Variants in NCK1 observed in about 807,000 individuals in gnomAD.
NCK1 encodes SH2/SH3 adapter protein NCK1.
In NCK1, 19 loss-of-function variants were observed where a neutral mutation model predicts 36.6. The ratio of observed to expected loss-of-function variants is 0.52; its 90% CI spans 0.36 to 0.76. The LOEUF is 0.76. NCK1 is among the 30% of genes least tolerant of loss of function. The probability of loss-of-function intolerance (pLI) is 0.00; values close to 1 mark genes in which losing one functional copy is unlikely to be tolerated. For missense variants in NCK1, 358 were observed against 445.6 expected (o/e 0.80, Z 1.77); for synonymous variants, 165 against 156.0 (o/e 1.06, Z -0.43).
intron 1 of NCK1, among the ~76,000 whole-genome samples, chr3:136,890,001 C>T (rs974983859): frequency 4.6e-5 from 7 of 152,196 alleles, no homozygotes; most frequent in Non-Finnish European, 4.4e-5. Context: ...TGTGTGCCCG[C>T]ACTCCTGAGC....
chr3:136,923,637 AAG>A (rs1234977347), intron 1 of NCK1, among the ~76,000 whole-genome samples: 1 of 152,076 alleles, frequency 6.6e-6, no homozygotes, highest in African/African-American at 2.4e-5. Flanking sequence ...GAGAAAAGAG[AAG>A]GTATGGAAGA....
intron 2 of NCK1, among the ~76,000 whole-genome samples, chr3:136,931,276 A>C (rs191866568): frequency 5.3e-5 from 8 of 152,164 alleles, no homozygotes; most frequent in Non-Finnish European, 1.0e-4. Context: ...CCTCCTTATG[A>C]TCTTATAGTG....
At chr3:136,891,508 G>A (rs537695830) in intron 1 of NCK1, among the ~76,000 whole-genome samples, 2 of 152,300 alleles carry the variant, frequency 1.3e-5, no homozygotes, top group South Asian at 4.1e-4. Context: ...GGGTGTACAA[G>A]TATCTATTTG....
chr3:136,944,112 C>CTTTTTTTTTTTT (rs72327296), intron 2 of NCK1, among the ~76,000 whole-genome samples: 2 of 43,778 alleles, frequency 4.6e-5, no homozygotes, highest in Admixed American at 4.6e-4. Flanking sequence ...GAAAAACAAC[C>CTTTTTTTTTTTT]TTTTTTTTTT....
chr3:136,882,135 C>T (rs765453047), intron 1 of NCK1, among the ~76,000 whole-genome samples: 9 of 152,144 alleles, frequency 5.9e-5, no homozygotes, highest in Non-Finnish European at 1.0e-4. Flanking sequence ...TTTTACATTA[C>T]CACCAACCGT....
chr3:136,927,149 T>G (rs927250029), intron 1 of NCK1, among the ~76,000 whole-genome samples: 9 of 152,092 alleles, frequency 5.9e-5, no homozygotes, highest in Admixed American at 3.3e-4. Flanking sequence ...TTTTTGTATT[T>G]TTAGTAGAGA....
intron 1 of NCK1, among the ~76,000 whole-genome samples, chr3:136,863,349 C>T (rs190281148): frequency 1.2e-4 from 19 of 152,348 alleles, no homozygotes; most frequent in Non-Finnish European, 8.8e-5. Flanking sequence ...TCTTCAGCAC[C>T]TGGAAACCAG....
At chr3:136,872,792 G>A (rs1263699463) in intron 1 of NCK1, among the ~76,000 whole-genome samples, 1 of 152,228 alleles carries the variant, frequency 6.6e-6, no homozygotes, top group African/African-American at 2.4e-5. Context: ...TAGAGCTTGG[G>A]CTGTGGCTTC....
chr3:136,867,057 T>TC (rs1938437840), intron 1 of NCK1, among the ~76,000 whole-genome samples: 11 of 252 alleles, frequency 0.044, 1 homozygote, highest in African/African-American at 0.12. Context: ...CTTTTCTTTC[T>TC]TTCTTTCTTT....
chr3:136,923,330 C>T lies in NCK1; in HGVS notation c.-18-4654C>T, dbSNP rs571177287. On this transcript the variant is annotated intron_variant, in intron 1 of 3. Transcript: ENST00000481752. ...CAGCACTTTGGGAGGCCGAGGCAGG[C>T]GGATCACGAGGTCAGGAGATCGAAA... Among the ~76,000 whole-genome samples the T allele has an allele frequency of 3.4e-3, 514 of 151,986 alleles. 2 individuals are homozygous for T. Among genetic ancestry groups the T allele is most frequent in the African/African-American group, 0.012 (486 of 41,438 alleles).
intron 1 of NCK1, among the ~76,000 whole-genome samples, chr3:136,915,660 G>T (rs1192951285): frequency 6.6e-6 from 1 of 152,010 alleles, no homozygotes; most frequent in Admixed American, 6.5e-5. Flanking sequence ...GTTTCCTCAG[G>T]CTGTATAGGA....
At chr3:136,879,635 A>T (rs1938872969) in intron 1 of NCK1, among the ~76,000 whole-genome samples, 1 of 152,164 alleles carries the variant, frequency 6.6e-6, no homozygotes, top group African/African-American at 2.4e-5. Flanking sequence ...AATAGTCTGG[A>T]TAAAGAAAAT....
chr3:136,919,807 C>CCCTA (rs1266033069), intron 1 of NCK1, among the ~76,000 whole-genome samples: 1 of 151,930 alleles, frequency 6.6e-6, no homozygotes, highest in Non-Finnish European at 1.5e-5. Context: ...AGTAGTTATA[C>CCCTA]CCTAAGGAAA....
intron 1 of NCK1, chr3:136,889,103 G>C (rs1436297084): frequency 2.4e-5 from 3 of 123,582 alleles, no homozygotes; most frequent in African/African-American, 9.0e-5. Flanking sequence ...TGTTGCCCAG[G>C]CTGGTTTTGA....
At chr3:136,890,632 A>C (rs955176820) in intron 1 of NCK1, among the ~76,000 whole-genome samples, 2 of 152,216 alleles carry the variant, frequency 1.3e-5, no homozygotes, top group Non-Finnish European at 2.9e-5. Flanking sequence ...TTATGCATTC[A>C]TCAGTTTACA....
intron 1 of NCK1, among the ~76,000 whole-genome samples, chr3:136,892,382 CT>C (rs1939269719): frequency 6.6e-6 from 1 of 152,172 alleles, no homozygotes; most frequent in Admixed American, 6.5e-5. Context: ...CAGTTTGACT[CT>C]TTTCGGTTGC....
intron 1 of NCK1, among the ~76,000 whole-genome samples, chr3:136,881,540 G>C (rs545244482): frequency 6.6e-6 from 1 of 152,036 alleles, no homozygotes. Flanking sequence ...GTGGTAAACT[G>C]CATAAGCATA....
chr3:136,946,817 G>A (rs1436061344), intron 3 of NCK1: 3 of 152,466 alleles, frequency 2.0e-5, no homozygotes, highest in African/African-American at 7.2e-5. Flanking sequence ...TATTTTAGCA[G>A]TGTTTGAAAT....
intron 2 of NCK1, among the ~76,000 whole-genome samples, chr3:136,939,803 T>C (rs2108144099): frequency 6.6e-6 from 1 of 150,944 alleles, no homozygotes; most frequent in South Asian, 2.1e-4. Flanking sequence ...TCAGAAAAGA[T>C]ACTTTGTATG....
Sources: allele counts gnomAD v4.1 joint callset (sites outside exome capture counted in the v4.1 genomes callset), GRCh38; gene constraint gnomAD v4.1.1; transcripts MANE v1.5; gene names NCBI Gene and HGNC (gene_info 2026-07-23, HGNC 2026-07-21).